ANO4: variants seen among roughly 807,000 people sequenced by gnomAD.
The protein encoded by ANO4 is anoctamin-4.
ANO4 carries 69 observed loss-of-function variants against 141.9 expected under a neutral mutation model. That is an observed-to-expected ratio of 0.49 (90% confidence interval 0.40 to 0.59). The LOEUF (loss-of-function observed/expected upper bound fraction) is 0.59, where lower values mean the gene tolerates loss of function less well. Among genes scored for constraint, ANO4 ranks in the 20% least tolerant of loss-of-function variants. The pLI is 0.00. For missense variants in ANO4, 894 were observed against 1,162.2 expected (o/e 0.77, Z 3.36); for synonymous variants, 350 against 394.3 (o/e 0.89, Z 1.33).
At chr12:101,026,166 A>G (rs77248811) in intron 9 of ANO4, among the ~76,000 whole-genome samples, 2,788 of 152,330 alleles carry the variant, frequency 0.018, 43 homozygotes, top group Non-Finnish European at 0.026. Context: ...TAATAGGTGA[A>G]TGTAGCTAGG....
At chr12:100,992,888 A>C (rs1013472484) in intron 8 of ANO4, among the ~76,000 whole-genome samples, 1 of 152,150 alleles carries the variant, frequency 6.6e-6, no homozygotes, top group African/African-American at 2.4e-5. Flanking sequence ...TAAAGTTGAG[A>C]ATCTATTAAA....
chr12:100,984,131 C>G (rs1189283315), intron 7 of ANO4, among the ~76,000 whole-genome samples: 2 of 152,008 alleles, frequency 1.3e-5, no homozygotes, highest in Admixed American at 6.5e-5. Flanking sequence ...GAGTCTTACT[C>G]TATCTCCCAG....
chr12:101,114,286 G>A (rs1418573388), intron 24 of ANO4, among the ~76,000 whole-genome samples: 1 of 152,172 alleles, frequency 6.6e-6, no homozygotes, highest in Non-Finnish European at 1.5e-5. Flanking sequence ...ATTGACAATA[G>A]CTAACAGTCT....
intron 1 of ANO4, among the ~76,000 whole-genome samples, chr12:100,850,356 C>A (rs1413528970): frequency 2.0e-5 from 3 of 152,156 alleles, no homozygotes; most frequent in African/African-American, 4.8e-5. Flanking sequence ...TGAGGAGAGT[C>A]ATTCCTCCTA....
intron 8 of ANO4, among the ~76,000 whole-genome samples, chr12:101,006,921 G>A (rs17485225): frequency 0.12 from 17,893 of 152,066 alleles, 1,193 homozygotes; most frequent in African/African-American, 0.13. Flanking sequence ...GTTTGATGTC[G>A]TTCACCAGTG....
intron 7 of ANO4, among the ~76,000 whole-genome samples, chr12:100,979,338 G>A (rs13377734): frequency 0.25 from 37,265 of 151,994 alleles, 4,655 homozygotes; most frequent in Middle Eastern, 0.35. Flanking sequence ...GGATCACTGG[G>A]CGCATCCCCA....
At chr12:100,913,185 C>T (rs1230194651) in intron 2 of ANO4, among the ~76,000 whole-genome samples, 2 of 151,964 alleles carry the variant, frequency 1.3e-5, no homozygotes, top group African/African-American at 4.8e-5. Flanking sequence ...CTATAGGATG[C>T]ATTTAGAGGG....
chr12:100,926,462 G>A lies in ANO4; in HGVS notation c.160+4132G>A, dbSNP rs578180601. 1.4e-3 allele frequency among the ~76,000 whole-genome samples: 214 copies of A among 152,198 alleles called. 2 individuals carry two copies. Among genetic ancestry groups the A allele is most frequent in the African/African-American group, 5.0e-3 (206 of 41,536 alleles). ...CTAGGCATAATACCTTAAGGCAGTG[G>A]TGAATGTTTGGTACAAAGTCTAATT... On this transcript the variant is annotated intron_variant, in intron 3 of 27. Coordinates refer to ENST00000392977, the MANE Select transcript of ANO4 (RefSeq NM_001286615.2).
At chr12:100,861,451 CAT>C (rs2038471233) in intron 1 of ANO4, among the ~76,000 whole-genome samples, 1 of 152,032 alleles carries the variant, frequency 6.6e-6, no homozygotes, top group South Asian at 2.1e-4. Context: ...CATATCTAAA[CAT>C]AGAAAAGGTA....
chr12:100,985,444 G>A (rs904648545), intron 7 of ANO4, among the ~76,000 whole-genome samples: 2 of 152,060 alleles, frequency 1.3e-5, no homozygotes, highest in East Asian at 1.9e-4. Context: ...TACGAATTGG[G>A]TATCATTATC....
intron 8 of ANO4, among the ~76,000 whole-genome samples, chr12:101,017,337 G>T (rs929543284): frequency 3.3e-5 from 5 of 152,136 alleles, no homozygotes; most frequent in African/African-American, 1.2e-4. Flanking sequence ...TCACCCCCAT[G>T]ATTCGATTAC....
At chr12:100,831,245 G>C (rs965939412) in intron 1 of ANO4, among the ~76,000 whole-genome samples, 5 of 152,100 alleles carry the variant, frequency 3.3e-5, no homozygotes, top group Non-Finnish European at 2.9e-5. Context: ...GGTGGCACGT[G>C]TCTTGCATGG....
intron 6 of ANO4, among the ~76,000 whole-genome samples, chr12:100,972,318 G>A (rs1447759262): frequency 6.6e-6 from 1 of 152,248 alleles, no homozygotes; most frequent in Admixed American, 6.5e-5. Flanking sequence ...TAGAGACAGA[G>A]AGAAGGGTTA....
intron 1 of ANO4, among the ~76,000 whole-genome samples, chr12:100,820,971 G>T (rs933384113): frequency 7.2e-5 from 11 of 152,008 alleles, no homozygotes; most frequent in African/African-American, 2.7e-4. Flanking sequence ...CAGCATTATA[G>T]CTAGTTGTTG....
intron 2 of ANO4, among the ~76,000 whole-genome samples, chr12:100,911,306 A>C (rs562570548): frequency 3.3e-5 from 5 of 152,274 alleles, no homozygotes; most frequent in African/African-American, 1.2e-4. Context: ...AGGTATTCTT[A>C]TTCTCTTATT....
chr12:100,959,898 G>A (rs1333016921), intron 5 of ANO4, among the ~76,000 whole-genome samples: 1 of 152,050 alleles, frequency 6.6e-6, no homozygotes, highest in African/African-American at 2.4e-5. Flanking sequence ...CCTGTCACTC[G>A]AGGCTTTGTC....
At position 100,884,671 on chromosome 12, in the gene ANO4, G is replaced by A. The variant is rs146695155; in HGVS notation, c.-140-16975G>A. Among the ~76,000 whole-genome samples, 203 of 152,176 alleles carry A rather than the reference G, an allele frequency of 1.3e-3. 2 individuals carry two copies. The highest frequency in any genetic ancestry group is 4.6e-3 in the African/African-American group (193 of 41,534). ...TGGGCTGTGTTCCTTCTGTCTTTCT[G>A]GAGACTCTAGGGGAGAATCTGTTTT... On this transcript the variant is annotated intron_variant, in intron 1 of 27. Coordinates refer to ENST00000392977, the MANE Select transcript of ANO4 (RefSeq NM_001286615.2).
At chr12:100,751,605 C>A (rs543258013) in intron 3 of ANO4, among the ~76,000 whole-genome samples, 1 of 152,012 alleles carries the variant, frequency 6.6e-6, no homozygotes, top group Non-Finnish European at 1.5e-5. Flanking sequence ...TGTCCCAGGT[C>A]GTGTAACTCA....
At chr12:100,718,064 A>G (rs2030695265) in intron 1 of ANO4, among the ~76,000 whole-genome samples, 1 of 152,224 alleles carries the variant, frequency 6.6e-6, no homozygotes, top group African/African-American at 2.4e-5. Context: ...AAAAAAAGAA[A>G]TCAGTTTGGA....
Sources: allele counts gnomAD v4.1 joint callset (sites outside exome capture counted in the v4.1 genomes callset), GRCh38; gene constraint gnomAD v4.1.1; transcripts MANE v1.5; gene names NCBI Gene and HGNC (gene_info 2026-07-23, HGNC 2026-07-21).